The following FAM114A1 variants were observed in gnomAD, a reference collection of about 807,000 sequenced individuals.
FAM114A1 encodes the protein family with sequence similarity 114 member A1.
Under a neutral mutation model 64.3 loss-of-function variants are expected in FAM114A1, and 62 were observed. The ratio of observed to expected loss-of-function variants is 0.96; its 90% confidence interval spans 0.79 to 1.19. FAM114A1 has a LOEUF of 1.19. Among genes scored for constraint, FAM114A1 ranks in the 50% most tolerant of loss-of-function variants. FAM114A1 has a pLI of 0.00. For synonymous variants in FAM114A1, 254 were observed against 251.1 expected, an observed-to-expected ratio of 1.01 and a Z score of -0.11; for missense variants, 645 against 676.3, an observed-to-expected ratio of 0.95 and a Z score of 0.51.
chr4:38,900,733 G>T (rs1202262361), intron 4 of FAM114A1, among the ~76,000 whole-genome samples: 2 of 152,152 alleles, frequency 1.3e-5, no homozygotes, highest in African/African-American at 2.4e-5. Flanking sequence ...CTGACTACTG[G>T]AATGTAGAAT....
chr4:38,920,478 A>G (rs546125948), intron 8 of FAM114A1, among the ~76,000 whole-genome samples: 5 of 152,182 alleles, frequency 3.3e-5, no homozygotes, highest in Non-Finnish European at 7.3e-5. Flanking sequence ...CCTTGGCATA[A>G]TGCAATGAGC....
At chr4:38,878,988 A>T (rs567730667) in intron 3 of FAM114A1, among the ~76,000 whole-genome samples, 1 of 152,316 alleles carries the variant, frequency 6.6e-6, no homozygotes, top group East Asian at 1.9e-4. Flanking sequence ...TTCCAGGGGA[A>T]CAGAGGCAGA....
chr4:38,879,882 A>G (rs1715034927), intron 3 of FAM114A1, among the ~76,000 whole-genome samples: 2 of 152,100 alleles, frequency 1.3e-5, no homozygotes, highest in South Asian at 4.1e-4. Context: ...AAGCCTGGGC[A>G]ATGTGGCGAA....
Position 38,882,414 on chromosome 4 carries a change from G to T in FAM114A1, c.348+3988G>T, listed in dbSNP as rs144636708. On this transcript the variant is annotated intron_variant, in intron 3 of 14. Coordinates refer to ENST00000358869, the MANE Select transcript of FAM114A1 (RefSeq NM_138389.4). ...GGAGGCCGAGGGGACCGGATCACCT[G>T]AGGTCAGGAGTTCGAGACCAGCCTG... Among the ~76,000 whole-genome samples, 419 of 151,638 alleles carry T rather than the reference G, an allele frequency of 2.8e-3. 8 individuals are homozygous for T. In the East Asian group the frequency reaches 0.05, roughly 18 times the overall value.
chr4:38,919,890 C>T (rs1008088274), intron 8 of FAM114A1, among the ~76,000 whole-genome samples: 3 of 152,108 alleles, frequency 2.0e-5, no homozygotes, highest in Admixed American at 6.6e-5. Flanking sequence ...CATGGCGATG[C>T]GGTGTTTGAT....
At chr4:38,911,786 T>TTATCCTA (rs150975250) in intron 7 of FAM114A1, among the ~76,000 whole-genome samples, 1,537 of 152,060 alleles carry the variant, frequency 0.01, 35 homozygotes, top group East Asian at 0.084. Flanking sequence ...TCACGTATTT[T>TTATCCTA]TATCCTAGTG....
At chr4:38,942,551 TC>T (rs1340343454) in intron 14 of FAM114A1, among the ~76,000 whole-genome samples, 1 of 152,210 alleles carries the variant, frequency 6.6e-6, no homozygotes, top group African/African-American at 2.4e-5. Flanking sequence ...TTTTTCCGTT[TC>T]CCCAATAGAT....
At position 38,922,774 on chromosome 4, in the gene FAM114A1, A is replaced by C. The variant is rs1470459561; in HGVS notation, c.950A>C (p.Gln317Pro). 1.2e-6 allele frequency: 2 copies of C among 1,607,996 alleles called. No homozygotes were observed. Among genetic ancestry groups the C allele is most frequent in the African/African-American group, 2.7e-5 (2 of 74,444 alleles). The change falls in exon 9 of 15, where the codon CAG becomes CCG. Residue 317 changes from glutamine to proline, a missense_variant. Coordinates refer to ENST00000358869, the MANE Select transcript of FAM114A1 (RefSeq NM_138389.4). ...CTGACCTATTTCTTTTTTCAGGTTC[A>C]GTCATTTTTAGCATCACTTGATGGA... The part of the protein sequence containing the change: ...ILSNESESKV[Q>P]SFLASLDGEK...
At chr4:38,914,844 A>C (rs4563504) in intron 7 of FAM114A1, 77 bp from the exon 8 acceptor site, 932,132 of 1,498,478 alleles carry the variant, frequency 0.62, 306,148 homozygotes, top group East Asian at 1. Flanking sequence ...CAGTCCTCCC[A>C]ACCTCCCCCA....
chr4:38,868,069 G>A, intron 1 of FAM114A1: 1 of 414,980 alleles, frequency 2.4e-6, no homozygotes, highest in South Asian at 1.7e-5. Flanking sequence ...GTGTGTGTGT[G>A]TGAGTGTGTG....
At position 38,922,788 on chromosome 4, in the gene FAM114A1, T is replaced by C. The variant is rs35331702; in HGVS notation, c.964T>C (p.Ser322Pro). 859 of 1,610,940 alleles carry C rather than the reference T, an allele frequency of 5.3e-4. 1 individual carries two copies. In the African/African-American group the frequency reaches 0.01, roughly 19 times the overall value. Residue 322 changes from serine to proline, a missense_variant, in exon 9 of 15, where the codon TCA becomes CCA. Transcript: ENST00000358869. ...SESKVQSFLA[S>P]LDGEKLELLK... ...TTTTCAGGTTCAGTCATTTTTAGCA[T>C]CACTTGATGGAGAGAAGCTGGAACT...
intron 4 of FAM114A1, among the ~76,000 whole-genome samples, chr4:38,903,934 G>A (rs955945364): frequency 3.9e-5 from 6 of 152,164 alleles, no homozygotes; most frequent in African/African-American, 1.4e-4. Context: ...CCTTGTTAAT[G>A]CTAAGATCAC....
Position 38,932,131 on chromosome 4 carries a change from T to C in FAM114A1, c.1324-104T>C. 4 of 1,262,612 alleles carry C rather than the reference T, an allele frequency of 3.2e-6. No homozygotes were observed. In the South Asian group the frequency reaches 4.6e-5, roughly 14 times the overall value. The allele number at this position is 1,262,612 out of a possible 1,614,324, so 78.2% of individuals were successfully genotyped here. ...TCAGGTTAACTATTTCGGGTTATAT[T>C]TGGGGTATTTTTGAAAGAATTATAT... On this transcript the variant is annotated intron_variant, in intron 11 of 14. Coordinates refer to ENST00000358869, the MANE Select transcript of FAM114A1 (RefSeq NM_138389.4).
chr4:38,934,021 A>G (rs1560333180), intron 12 of FAM114A1, among the ~76,000 whole-genome samples: 1 of 152,232 alleles, frequency 6.6e-6, no homozygotes, highest in Non-Finnish European at 1.5e-5. Context: ...CAAAGTTATT[A>G]TAAGAACCAC....
At chr4:38,871,379 CTGACCGA>C (rs1714065944) in intron 2 of FAM114A1, among the ~76,000 whole-genome samples, 1 of 151,704 alleles carries the variant, frequency 6.6e-6, no homozygotes, top group African/African-American at 2.4e-5. Flanking sequence ...GCCACTATGC[CTGACCGA>C]TGACCATTTT....
intron 7 of FAM114A1, among the ~76,000 whole-genome samples, chr4:38,912,330 G>A (rs7662500): frequency 2.0e-5 from 3 of 151,824 alleles, no homozygotes; most frequent in Non-Finnish European, 4.4e-5. Flanking sequence ...ACCAGCCTCC[G>A]TTGTCAAGCT....
At chr4:38,931,986 G>A (rs1720679896) in intron 11 of FAM114A1, among the ~76,000 whole-genome samples, 1 of 152,170 alleles carries the variant, frequency 6.6e-6, no homozygotes, top group Non-Finnish European at 1.5e-5. Flanking sequence ...TGCCTGTTTT[G>A]TACCCAGCAT....
chr4:38,881,864 C>G (rs901796078), intron 3 of FAM114A1, among the ~76,000 whole-genome samples: 8 of 152,170 alleles, frequency 5.3e-5, no homozygotes, highest in Non-Finnish European at 1.0e-4. Context: ...AAAACAAATT[C>G]TTGAATCTAA....
chr4:38,924,907 G>A (rs956726516), intron 9 of FAM114A1, among the ~76,000 whole-genome samples: 8 of 152,168 alleles, frequency 5.3e-5, no homozygotes, highest in Non-Finnish European at 4.4e-5. Flanking sequence ...GTGTCATTTA[G>A]AAAGGACAAA....
Sources: allele counts gnomAD v4.1 joint callset (sites outside exome capture counted in the v4.1 genomes callset), GRCh38; gene constraint gnomAD v4.1.1; transcripts MANE v1.5; gene names NCBI Gene and HGNC (gene_info 2026-07-23, HGNC 2026-07-21).